HORMAD2: variants seen among roughly 807,000 people sequenced by gnomAD.
HORMAD2 encodes the protein HORMA domain-containing protein 2.
HORMAD2 carries 45 observed loss-of-function variants against 38.8 expected under a neutral mutation model. That is an observed-to-expected ratio of 1.16 (90% confidence interval 0.91 to 1.49). The LOEUF is 1.49. Ranked by LOEUF, HORMAD2 falls within the 40% of genes most tolerant of loss-of-function variation. The probability of loss-of-function intolerance (pLI) is 0.00; values close to 1 mark genes in which losing one functional copy is unlikely to be tolerated. For synonymous variants in HORMAD2, 126 were observed against 122.8 expected, an observed-to-expected ratio of 1.03 and a Z score of -0.17; for missense variants, 338 against 367.0, an observed-to-expected ratio of 0.92 and a Z score of 0.65.
downstream of HORMAD2, among the ~76,000 whole-genome samples, chr22:30,178,005 T>C (rs1298157159): frequency 6.6e-6 from 1 of 152,110 alleles, no homozygotes; most frequent in Admixed American, 6.6e-5. Context: ...AACTCTACAA[T>C]TGTCAGTTGT....
intron 10 of HORMAD2, among the ~76,000 whole-genome samples, chr22:30,136,216 A>C (rs1923640838): frequency 6.6e-6 from 1 of 152,242 alleles, no homozygotes; most frequent in African/African-American, 2.4e-5. Context: ...TTGCAAATGC[A>C]TGATAAGTTA....
chr22:30,176,051 T>G lies in HORMAD2; in HGVS notation c.820-12T>G. The stretch of plus-strand genomic sequence containing the variant: ...TCTGCTGAATTGTGCCTCTCTCTGG[T>G]GATTCTCACAGATTCAAAGAATGAA... On this transcript the variant is annotated splice_polypyrimidine_tract_variant and intron_variant, in intron 10 of 10. Coordinates refer to ENST00000336726, the MANE Select transcript of HORMAD2 (RefSeq NM_152510.4). The G allele has an allele frequency of 2.5e-6, 4 of 1,580,254 alleles. No individual in the cohort carries two copies.
At chr22:30,163,728 A>G (rs1925598130) in intron 10 of HORMAD2, among the ~76,000 whole-genome samples, 2 of 152,116 alleles carry the variant, frequency 1.3e-5, no homozygotes, top group South Asian at 2.1e-4. Context: ...ACGCCCGGCC[A>G]TGTGCTGACT....
the HORMAD2 span, among the ~76,000 whole-genome samples, chr22:30,183,178 A>T: frequency 1.3e-5 from 2 of 152,220 alleles, no homozygotes; most frequent in Non-Finnish European, 2.9e-5. Flanking sequence ...GGACAGAAAA[A>T]TCAACCAGGA....
At chr22:30,136,861 G>T in intron 10 of HORMAD2, 5 of 372,694 alleles carry the variant, frequency 1.3e-5, no homozygotes, top group Non-Finnish European at 2.5e-5. Context: ...TAAACAGATA[G>T]GCAAGCCTTT....
At chr22:30,118,350 C>G (rs568026779) in intron 7 of HORMAD2, among the ~76,000 whole-genome samples, 8 of 152,246 alleles carry the variant, frequency 5.3e-5, no homozygotes, top group Admixed American at 5.2e-4. Flanking sequence ...CACCCCACCC[C>G]CAAGATCTGC....
At chr22:30,095,265 A>C (rs1369766346) in intron 2 of HORMAD2, among the ~76,000 whole-genome samples, 1 of 152,238 alleles carries the variant, frequency 6.6e-6, no homozygotes, top group Non-Finnish European at 1.5e-5. Context: ...AGTGCCTTTT[A>C]GTTTACATGA....
chr22:30,180,971 CCTCT>C (rs1926687204), downstream of HORMAD2, among the ~76,000 whole-genome samples: 2 of 130,032 alleles, frequency 1.5e-5, no homozygotes, highest in Admixed American at 8.2e-5. Flanking sequence ...CCTCTCCTCT[CCTCT>C]CCTCTCCTCC....
chr22:30,198,369 C>T, the HORMAD2 span, among the ~76,000 whole-genome samples: 2 of 152,156 alleles, frequency 1.3e-5, no homozygotes, highest in African/African-American at 2.4e-5. Flanking sequence ...TGCTTGTGGC[C>T]GGAGCTCTGT....
chr22:30,096,185 TTGA>T (rs2068778678), intron 2 of HORMAD2, among the ~76,000 whole-genome samples: 1 of 152,200 alleles, frequency 6.6e-6, no homozygotes, highest in African/African-American at 2.4e-5. Context: ...TATTCTACTG[TTGA>T]TGAGCATTTG....
In HORMAD2 at chr22:30,119,544, C is replaced by T. The variant is rs550585012; in HGVS notation, c.410+497C>T. Reference sequence around the variant, plus strand: ...AAGCACTGCAGTTTCCTTATGAAGTCGAAAATTCCAAGTTTTAGGTTACTA... The same window carrying T: ...AAGCACTGCAGTTTCCTTATGAAGTTGAAAATTCCAAGTTTTAGGTTACTA... On this transcript the variant is annotated intron_variant, in intron 8 of 10. Transcript: ENST00000336726. 3.3e-5 allele frequency among the ~76,000 whole-genome samples: 5 copies of T among 152,220 alleles called. No individual in the cohort carries two copies. In the South Asian group the frequency reaches 6.2e-4, roughly 19 times the overall value.
chr22:30,185,419 G>T, the HORMAD2 span, among the ~76,000 whole-genome samples: 5 of 152,312 alleles, frequency 3.3e-5, no homozygotes, highest in East Asian at 9.6e-4. Context: ...ACTCATTTAT[G>T]ATTATAGTAT....
intron 10 of HORMAD2, among the ~76,000 whole-genome samples, chr22:30,168,736 T>C (rs1217737253): frequency 6.6e-6 from 1 of 152,142 alleles, no homozygotes; most frequent in Admixed American, 6.6e-5. Context: ...CTCTATCCTT[T>C]TAATGTTTTC....
chr22:30,113,914 T>C (rs1380058794), intron 7 of HORMAD2, among the ~76,000 whole-genome samples: 1 of 152,212 alleles, frequency 6.6e-6, no homozygotes, highest in African/African-American at 2.4e-5. Flanking sequence ...TGTCTATTGT[T>C]TCATTTCAAA....
At chr22:30,118,513 C>G (rs1922212071) in intron 7 of HORMAD2, among the ~76,000 whole-genome samples, 1 of 152,206 alleles carries the variant, frequency 6.6e-6, no homozygotes, top group Admixed American at 6.5e-5. Context: ...TCGGAATTAG[C>G]TTATTTCATT....
chr22:30,121,839 T>A, intron 9 of HORMAD2, 50 bp downstream of exon 9: 4 of 1,561,818 alleles, frequency 2.6e-6, no homozygotes, highest in Non-Finnish European at 3.5e-6. Context: ...GAGCTAATAT[T>A]TTCTATAAGT....
intron 7 of HORMAD2, among the ~76,000 whole-genome samples, chr22:30,117,456 T>G (rs1922125693): frequency 8.8e-6 from 1 of 114,018 alleles, no homozygotes; most frequent in Non-Finnish European, 1.6e-5. Context: ...TTAATTTAGT[T>G]ATTTTATTTA....
At chr22:30,196,035 T>C in the HORMAD2 span, among the ~76,000 whole-genome samples, 1 of 152,226 alleles carries the variant, frequency 6.6e-6, no homozygotes, top group Non-Finnish European at 1.5e-5. Context: ...GACTGCCCTT[T>C]CTGTAAACTC....
chr22:30,195,431 T>G, the HORMAD2 span, among the ~76,000 whole-genome samples: 2 of 152,124 alleles, frequency 1.3e-5, no homozygotes, highest in Non-Finnish European at 2.9e-5. Context: ...CTCTCTCAGA[T>G]AAGAAGGATT....
Sources: gnomAD v4.1 joint callset for allele counts (sites outside exome capture counted in the v4.1 genomes callset) on GRCh38, gnomAD v4.1.1 for gene constraint, MANE v1.5 for transcripts, NCBI Gene and HGNC (gene_info 2026-07-23, HGNC 2026-07-21) for gene names.